VTA1: variants seen among roughly 807,000 people sequenced by gnomAD.
VTA1 encodes the protein vesicle trafficking 1, also known as vacuolar protein sorting-associated protein VTA1 homolog.
A neutral mutation model predicts 36.9 loss-of-function variants in VTA1; 24 were observed. The ratio of observed to expected loss-of-function variants is 0.65; its 90% CI spans 0.47 to 0.91. The LOEUF is 0.91. Among genes scored for constraint, VTA1 ranks in the 40% least tolerant of loss-of-function variants. VTA1 has a pLI of 0.00. For missense variants in VTA1, 393 were observed against 377.2 expected, an observed-to-expected ratio of 1.04 and a Z score of -0.35; for synonymous variants, 142 against 130.2, an observed-to-expected ratio of 1.09 and a Z score of -0.62.
intron 4 of VTA1, among the ~76,000 whole-genome samples, chr6:142,171,328 C>T (rs1303854167): frequency 6.6e-6 from 1 of 151,964 alleles, no homozygotes; most frequent in African/African-American, 2.4e-5. Flanking sequence ...CTCCTGACCT[C>T]AGGTAATCCG....
At chr6:142,184,364 A>G (rs1365414137) in intron 4 of VTA1, among the ~76,000 whole-genome samples, 1 of 150,082 alleles carries the variant, frequency 6.7e-6, no homozygotes, top group Non-Finnish European at 1.5e-5. Context: ...TAAAATGATA[A>G]GATTATAGAA....
intron 7 of VTA1, among the ~76,000 whole-genome samples, chr6:142,206,431 G>T (rs1775792019): frequency 6.6e-6 from 1 of 152,170 alleles, no homozygotes; most frequent in Non-Finnish European, 1.5e-5. Context: ...GAGAACTACA[G>T]AATGCTCATG....
At chr6:142,152,452 G>C (rs1309496178) in intron 1 of VTA1, among the ~76,000 whole-genome samples, 1 of 151,770 alleles carries the variant, frequency 6.6e-6, no homozygotes, top group Non-Finnish European at 1.5e-5. Context: ...CTGGGATTTG[G>C]GGGGATTGTT....
intron 7 of VTA1, among the ~76,000 whole-genome samples, chr6:142,216,436 A>G (rs1776005794): frequency 6.6e-6 from 1 of 152,124 alleles, no homozygotes; most frequent in Admixed American, 6.5e-5. Context: ...TTTTTAGCTT[A>G]ATTTTTCATT....
chr6:142,165,766 AAGAG>A (rs776742499), intron 1 of VTA1, among the ~76,000 whole-genome samples: 2 of 152,190 alleles, frequency 1.3e-5, no homozygotes, highest in South Asian at 2.1e-4. Flanking sequence ...TATTTATTCA[AAGAG>A]AGAGTATATG....
chr6:142,169,077 T>C (rs1395082530), intron 2 of VTA1, among the ~76,000 whole-genome samples: 1 of 152,108 alleles, frequency 6.6e-6, no homozygotes, highest in African/African-American at 2.4e-5. Flanking sequence ...CCGAGAGATA[T>C]TATTTTACGA....
Position 142,220,096 on chromosome 6 carries a change from T to C in VTA1, c.*1453T>C, listed in dbSNP as rs987315716. The C allele has an allele frequency of 2.0e-5, 3 of 152,198 alleles. No individual in the cohort carries two copies. The highest frequency in any genetic ancestry group is 7.2e-5 in the African/African-American group (3 of 41,456). The allele number at this position is 152,198 out of a possible 1,614,324, so 9.4% of individuals were successfully genotyped here. ...TGTACAGGGTTTGGTAGAATAAATATTCAGACTGACTAAACTGTTCTAAAT... is the reference window on the plus strand; with the variant it reads ...TGTACAGGGTTTGGTAGAATAAATACTCAGACTGACTAAACTGTTCTAAAT... On this transcript the variant is annotated 3_prime_UTR_variant, in exon 8 of 8. Coordinates refer to ENST00000367630, the MANE Select transcript of VTA1 (RefSeq NM_016485.5).
intron 7 of VTA1, among the ~76,000 whole-genome samples, chr6:142,209,406 A>G (rs997373124): frequency 6.6e-6 from 1 of 151,522 alleles, no homozygotes; most frequent in African/African-American, 2.4e-5. Flanking sequence ...ATTAATAACT[A>G]AGAAAAACTA....
At chr6:142,214,263 C>T (rs1330566565) in intron 7 of VTA1, among the ~76,000 whole-genome samples, 1 of 152,142 alleles carries the variant, frequency 6.6e-6, no homozygotes, top group Non-Finnish European at 1.5e-5. Flanking sequence ...TAAAGCATAG[C>T]AAGAGTGACC....
Position 142,189,544 on chromosome 6 carries a change from T to C in VTA1, c.520+10T>C, listed in dbSNP as rs1165560472. The C allele has an allele frequency of 4.0e-6, 6 of 1,506,874 alleles. No homozygotes were observed. The African/African-American group carries it at 8.0e-5, about 20-fold the overall frequency. 93.3% of individuals were successfully genotyped at this position (1,506,874 alleles called of 1,614,324 possible). On this transcript the variant is annotated intron_variant, in intron 5 of 7. Transcript: ENST00000367630. ...ATTGAAGAAGATAATGGTATGTATTTATTTATTCTGAGTAAAAGGACTTAG... is the reference window on the plus strand; with the variant it reads ...ATTGAAGAAGATAATGGTATGTATTCATTTATTCTGAGTAAAAGGACTTAG...
chr6:142,198,591 C>G lies in VTA1; in HGVS notation c.673C>G (p.Pro225Ala). 6.2e-7 allele frequency: 1 copy of G among 1,611,960 alleles called. No homozygotes were observed. Among genetic ancestry groups the G allele is most frequent in the Non-Finnish European group, 8.5e-7 (1 of 1,178,780 alleles). ...PPGAHAPANT[P>A]AEVPHSTGVA... ...GGGTGCACACGCTCCAGCTAATACA[C>G]CAGCAGAAGTGCCTCACAGCACAGG... Residue 225 changes from proline (P) to alanine (A), a missense_variant, in exon 6 of 8, where the codon CCA becomes GCA. By Grantham distance (27) the Pro-to-Ala change is conservative. Coordinates refer to ENST00000367630, the MANE Select transcript of VTA1 (RefSeq NM_016485.5).
intron 7 of VTA1, among the ~76,000 whole-genome samples, chr6:142,209,856 A>G (rs1004308099): frequency 1.3e-5 from 2 of 152,142 alleles, no homozygotes; most frequent in South Asian, 2.1e-4. Context: ...ATTCTGTGCA[A>G]TCCCTATCAA....
In VTA1 at chr6:142,204,060, C is replaced by G. The variant is rs760812643; in HGVS notation, c.773C>G (p.Ser258Cys). The G allele has an allele frequency of 2.5e-5, 40 of 1,613,290 alleles. No homozygotes were observed. The Middle Eastern group carries it at 4.6e-3, about 186-fold the overall frequency. Residue 258 changes from serine (S) to cysteine (C), a missense_variant, in exon 7 of 8, where the codon TCC becomes TGC. Coordinates refer to ENST00000367630, the MANE Select transcript of VTA1 (RefSeq NM_016485.5). ...GATCCCGCACTTTTCAATACAATTT[C>G]CCAGGGTAAGTCAGCTGACTATTTT... ...AIDPALFNTI[S>C]QGDVRLTPED... is the part of the protein sequence containing the mutation.
intron 5 of VTA1, among the ~76,000 whole-genome samples, chr6:142,192,038 A>G (rs1034789801): frequency 3.9e-5 from 6 of 152,090 alleles, no homozygotes; most frequent in Non-Finnish European, 7.4e-5. Context: ...ACAAAAGAGT[A>G]TACACTTTTG....
At chr6:142,148,183 A>G (rs1778493777) in intron 1 of VTA1, among the ~76,000 whole-genome samples, 1 of 152,204 alleles carries the variant, frequency 6.6e-6, no homozygotes, top group African/African-American at 2.4e-5. Context: ...TATAATTCTG[A>G]AAAGGATATT....
intron 2 of VTA1, 92 bp from the exon 3 acceptor site, chr6:142,169,458 A>T: frequency 1.5e-6 from 2 of 1,351,748 alleles, no homozygotes; most frequent in Non-Finnish European, 2.0e-6. Context: ...ATGTAAAATA[A>T]TTTACTTAAA....
At chr6:142,153,050 G>A (rs574387819) in intron 1 of VTA1, among the ~76,000 whole-genome samples, 3 of 151,986 alleles carry the variant, frequency 2.0e-5, no homozygotes, top group Non-Finnish European at 4.4e-5. Flanking sequence ...CTCATCACAT[G>A]TGTTATAATA....
intron 1 of VTA1, among the ~76,000 whole-genome samples, chr6:142,158,893 C>A (rs1206571226): frequency 6.6e-6 from 1 of 151,958 alleles, no homozygotes; most frequent in Non-Finnish European, 1.5e-5. Flanking sequence ...CTGTCTTTTC[C>A]CCTCTCATAT....
chr6:142,179,028 A>G (rs1562261637), intron 4 of VTA1, among the ~76,000 whole-genome samples: 4 of 152,140 alleles, frequency 2.6e-5, no homozygotes, highest in Non-Finnish European at 5.9e-5. Context: ...CAGTTCATCA[A>G]GAAGACAATA....
Sources: gnomAD v4.1 joint callset for allele counts (sites outside exome capture counted in the v4.1 genomes callset) on GRCh38, gnomAD v4.1.1 for gene constraint, MANE v1.5 for transcripts, NCBI Gene and HGNC (gene_info 2026-07-23, HGNC 2026-07-21) for gene names.